Variants in SEMA3C observed in about 807,000 individuals in gnomAD.
SEMA3C encodes the protein semaphorin 3C.
SEMA3C carries 47 observed loss-of-function variants against 89.4 expected under a neutral mutation model. The ratio of observed to expected loss-of-function variants is 0.53; its 90% CI spans 0.42 to 0.67. The LOEUF (loss-of-function observed/expected upper bound fraction) is 0.67, where lower values mean the gene tolerates loss of function less well. Ranked by LOEUF, SEMA3C falls within the 30% of genes least tolerant of loss-of-function variation. The pLI is 0.00. For synonymous variants in SEMA3C, 310 were observed against 320.2 expected (o/e 0.97, Z 0.34); for missense variants, 839 against 929.1 (o/e 0.90, Z 1.26).
intron 2 of SEMA3C, among the ~76,000 whole-genome samples, chr7:80,829,268 A>G (rs1301969456): frequency 6.6e-6 from 1 of 152,196 alleles, no homozygotes; most frequent in Non-Finnish European, 1.5e-5. Context: ...ATAGTATGTG[A>G]TTACAAAATC....
At chr7:80,751,472 T>C (rs1583842077) in intron 15 of SEMA3C, 136 bp from the exon 16 acceptor site, 1 of 683,968 alleles carries the variant, frequency 1.5e-6, no homozygotes, top group East Asian at 2.7e-5. Context: ...AGAGTTCTGA[T>C]TGATGCAGCT....
At chr7:80,809,052 C>T (rs1789406611) in intron 6 of SEMA3C, among the ~76,000 whole-genome samples, 1 of 152,144 alleles carries the variant, frequency 6.6e-6, no homozygotes, top group African/African-American at 2.4e-5. Context: ...GCTGGGATTA[C>T]AGGCATGAAC....
intron 16 of SEMA3C, among the ~76,000 whole-genome samples, chr7:80,750,453 TATATATATATATATATATATAC>T (rs1216010791): frequency 7.4e-4 from 42 of 57,102 alleles, no homozygotes; most frequent in African/African-American, 2.7e-3. Flanking sequence ...TATATATATA[TATATATATATATATATATATAC>T]ACACACACAC....
intron 2 of SEMA3C, among the ~76,000 whole-genome samples, chr7:80,845,432 T>A (rs969442253): frequency 6.6e-6 from 1 of 151,862 alleles, no homozygotes. Context: ...CTCACAACAC[T>A]AGAATACAAG....
chr7:80,788,090 A>C (rs958523641), intron 12 of SEMA3C, among the ~76,000 whole-genome samples: 4 of 152,236 alleles, frequency 2.6e-5, no homozygotes, highest in African/African-American at 9.6e-5. Context: ...ACACTTTGGA[A>C]ATTTTATTTA....
chr7:80,789,514 T>C lies in SEMA3C; in HGVS notation c.1146A>G (p.Ala382=). 6.2e-7 allele frequency: 1 copy of C among 1,611,036 alleles called. No homozygotes were observed. The highest frequency in any genetic ancestry group is 8.5e-7 in the Non-Finnish European group (1 of 1,178,292). The change falls in exon 12 of 18, where the codon GCA becomes GCG. Residue 382 remains alanine, a synonymous_variant. Transcript: ENST00000265361. ...TGGTGGTTCGCATATTGGGTGTAAA[T>C]GCTCCTCCTGGACACTAGAAAGAAA... ...YPRPGTCPGG[A]FTPNMRTTKE...
chr7:80,811,054 G>A (rs1206440063), intron 5 of SEMA3C, among the ~76,000 whole-genome samples: 2 of 152,054 alleles, frequency 1.3e-5, no homozygotes, highest in African/African-American at 2.4e-5. Context: ...TGTCCACAGA[G>A]GAACAATCTA....
chr7:80,894,712 C>G (rs1791692639), intron 2 of SEMA3C, among the ~76,000 whole-genome samples: 1 of 152,040 alleles, frequency 6.6e-6, no homozygotes, highest in Admixed American at 6.6e-5. Flanking sequence ...GCAACTGATC[C>G]TAATTTACCT....
chr7:80,761,321 G>A (rs147947863), intron 14 of SEMA3C, among the ~76,000 whole-genome samples: 1,578 of 151,946 alleles, frequency 0.01, 27 homozygotes, highest in African/African-American at 0.036. Flanking sequence ...TTTTTATTTC[G>A]GTTGGCTTCA....
intron 2 of SEMA3C, among the ~76,000 whole-genome samples, chr7:80,829,799 A>T (rs1020368823): frequency 6.6e-6 from 1 of 152,158 alleles, no homozygotes; most frequent in African/African-American, 2.4e-5. Context: ...CTCAAGGAGC[A>T]TAACTTTAGA....
chr7:80,894,457 T>C (rs944395566), intron 2 of SEMA3C, among the ~76,000 whole-genome samples: 9 of 152,168 alleles, frequency 5.9e-5, no homozygotes, highest in African/African-American at 2.2e-4. Flanking sequence ...TTTTTTAATG[T>C]AGCACTCATA....
In SEMA3C at chr7:80,918,962, C is replaced by T. The variant is rs764336822; in HGVS notation, c.-173G>A. ...AAGGTGAAATTCTTTCTTCCCGGTC[C>T]TCTGAGTTTCTTTGTAAAGGAATCT... On this transcript the variant is annotated 5_prime_UTR_variant, in exon 1 of 18. Transcript: ENST00000265361. 2.5e-5 allele frequency: 25 copies of T among 985,430 alleles called. No homozygotes were observed. In the Admixed American group the frequency reaches 4.3e-4, roughly 17 times the overall value. 61.0% of individuals were successfully genotyped at this position (985,430 alleles called of 1,614,324 possible). A position where few individuals can be genotyped will look rare whatever the true frequency, so the allele number is the denominator to read the frequency against.
At chr7:80,911,702 C>G (rs1173963749) in intron 2 of SEMA3C, among the ~76,000 whole-genome samples, 2 of 151,454 alleles carry the variant, frequency 1.3e-5, no homozygotes, top group Admixed American at 6.6e-5. Context: ...GGCACGACCT[C>G]GACTCACTGC....
chr7:80,836,281 T>C (rs1790123547), intron 2 of SEMA3C, among the ~76,000 whole-genome samples: 1 of 152,184 alleles, frequency 6.6e-6, no homozygotes, highest in Non-Finnish European at 1.5e-5. Flanking sequence ...AGGTTCCCCT[T>C]TTCTTTGCTT....
chr7:80,876,950 C>T (rs909199793), intron 2 of SEMA3C, among the ~76,000 whole-genome samples: 3 of 152,182 alleles, frequency 2.0e-5, no homozygotes, highest in Non-Finnish European at 2.9e-5. Flanking sequence ...TTCAGGGTCA[C>T]GCCAAACTGG....
chr7:80,906,558 G>A (rs1259160655), intron 2 of SEMA3C, among the ~76,000 whole-genome samples: 2 of 151,984 alleles, frequency 1.3e-5, no homozygotes, highest in Non-Finnish European at 2.9e-5. Flanking sequence ...AAAAAGAGAG[G>A]GAAGAAAGGA....
At chr7:80,782,479 G>C (rs771644140) in intron 12 of SEMA3C, among the ~76,000 whole-genome samples, 1 of 152,054 alleles carries the variant, frequency 6.6e-6, no homozygotes, top group Non-Finnish European at 1.5e-5. Context: ...AGTAAAATGA[G>C]AAAATATAAA....
intron 2 of SEMA3C, among the ~76,000 whole-genome samples, chr7:80,891,271 T>A (rs567094245): frequency 6.6e-6 from 1 of 152,156 alleles, no homozygotes; most frequent in Non-Finnish European, 1.5e-5. Flanking sequence ...TCCGTCTATA[T>A]CCCGTCTTGC....
intron 12 of SEMA3C, among the ~76,000 whole-genome samples, chr7:80,767,839 G>A (rs956253062): frequency 1.3e-5 from 2 of 152,050 alleles, no homozygotes; most frequent in African/African-American, 2.4e-5. Context: ...CCACAGGCAC[G>A]AGTTACTCTG....
Sources: allele counts gnomAD v4.1 joint callset (sites outside exome capture counted in the v4.1 genomes callset), GRCh38; gene constraint gnomAD v4.1.1; transcripts MANE v1.5; gene names NCBI Gene and HGNC (gene_info 2026-07-23, HGNC 2026-07-21).